ADAMTS3: variants seen among roughly 807,000 people sequenced by gnomAD.
ADAMTS3 encodes ADAM metallopeptidase with thrombospondin type 1 motif 3.
A neutral mutation model predicts 129.0 loss-of-function variants in ADAMTS3; 73 were observed. That is an observed-to-expected ratio of 0.57 (90% CI 0.47 to 0.69). The LOEUF (loss-of-function observed/expected upper bound fraction) is 0.69, where lower values mean the gene tolerates loss of function less well. ADAMTS3 is among the 30% of genes least tolerant of loss of function. ADAMTS3 has a pLI of 0.00. For synonymous variants in ADAMTS3, 477 were observed against 510.8 expected (o/e 0.93, Z 0.89); for missense variants, 1,457 against 1,514.5 (o/e 0.96, Z 0.63).
intron 3 of ADAMTS3, among the ~76,000 whole-genome samples, chr4:72,490,214 T>C (rs992344701): frequency 6.6e-6 from 1 of 151,992 alleles, no homozygotes; most frequent in Non-Finnish European, 1.5e-5. Flanking sequence ...ATTGTTTTGA[T>C]GCTATTGAGT....
Position 72,516,812 on chromosome 4 carries a change from A to T in ADAMTS3, c.504+31666T>A, listed in dbSNP as rs868155476. The stretch of plus-strand genomic sequence containing the variant: ...GACAATTTGACTTCCTCTTTTCCTA[A>T]TTGAATACCCTTTATTTCCTTCTCC... On this transcript the variant is annotated intron_variant, in intron 3 of 21. Transcript: ENST00000286657. Among the ~76,000 whole-genome samples the T allele has an allele frequency of 7.0e-4, 107 of 151,966 alleles. 1 individual carries two copies. Among genetic ancestry groups the T allele is most frequent in the Middle Eastern group, 3.4e-3 (1 of 294 alleles).
At chr4:72,544,805 A>G (rs192672316) in intron 3 of ADAMTS3, among the ~76,000 whole-genome samples, 80 of 152,308 alleles carry the variant, frequency 5.3e-4, no homozygotes, top group South Asian at 2.7e-3. Flanking sequence ...CCAACAATAG[A>G]AAGAAAAAGT....
intron 4 of ADAMTS3, among the ~76,000 whole-genome samples, chr4:72,357,695 T>G (rs1720615274): frequency 6.6e-6 from 1 of 152,126 alleles, no homozygotes; most frequent in Non-Finnish European, 1.5e-5. Context: ...GTACAGTGTC[T>G]GCTTTGTGGA....
At chr4:72,367,883 G>C (rs1720909477) in intron 4 of ADAMTS3, among the ~76,000 whole-genome samples, 1 of 150,888 alleles carries the variant, frequency 6.6e-6, no homozygotes, top group South Asian at 2.1e-4. Flanking sequence ...CTAGTTGGGA[G>C]TCTAACGTTG....
At chr4:72,479,554 T>C (rs1302392146) in intron 3 of ADAMTS3, among the ~76,000 whole-genome samples, 1 of 152,168 alleles carries the variant, frequency 6.6e-6, no homozygotes, top group Non-Finnish European at 1.5e-5. Context: ...CAAGATGGAT[T>C]AAAGACTTAA....
intron 2 of ADAMTS3, among the ~76,000 whole-genome samples, chr4:72,550,811 CA>C (rs749600703): frequency 1.8e-4 from 27 of 152,162 alleles, no homozygotes; most frequent in Non-Finnish European, 3.4e-4. Context: ...GGAAAGTTTC[CA>C]AAGTAAGGAG....
chr4:72,344,419 G>A (rs1053959234), intron 4 of ADAMTS3, among the ~76,000 whole-genome samples: 2 of 152,008 alleles, frequency 1.3e-5, no homozygotes, highest in Non-Finnish European at 2.9e-5. Flanking sequence ...AATACATTTG[G>A]GGTTGGAATG....
chr4:72,476,211 A>G (rs1237277531), intron 3 of ADAMTS3, among the ~76,000 whole-genome samples: 3 of 152,026 alleles, frequency 2.0e-5, no homozygotes, highest in Non-Finnish European at 4.4e-5. Context: ...AAGATCAATA[A>G]AACTGAAAAA....
At chr4:72,299,852 C>T (rs1255429401) in intron 17 of ADAMTS3, among the ~76,000 whole-genome samples, 1 of 152,034 alleles carries the variant, frequency 6.6e-6, no homozygotes, top group Non-Finnish European at 1.5e-5. Context: ...ATATGAATTC[C>T]TTTTTGTAAT....
intron 4 of ADAMTS3, among the ~76,000 whole-genome samples, chr4:72,385,388 T>C (rs1721419784): frequency 6.6e-6 from 1 of 151,906 alleles, no homozygotes. Context: ...CATAAAATAT[T>C]CAATTAATTC....
At chr4:72,517,662 T>C (rs1292922353) in intron 3 of ADAMTS3, among the ~76,000 whole-genome samples, 1 of 152,210 alleles carries the variant, frequency 6.6e-6, no homozygotes, top group Non-Finnish European at 1.5e-5. Context: ...AGTTTGTATT[T>C]CTGTGGGATC....
chr4:72,311,666 G>A (rs183629027), intron 13 of ADAMTS3, among the ~76,000 whole-genome samples: 2 of 152,194 alleles, frequency 1.3e-5, no homozygotes, highest in Admixed American at 1.3e-4. Context: ...TTCTTAACGT[G>A]TATTCCTCTT....
chr4:72,551,289 C>G (rs911472535), intron 2 of ADAMTS3, among the ~76,000 whole-genome samples: 3 of 152,052 alleles, frequency 2.0e-5, no homozygotes, highest in South Asian at 4.1e-4. Flanking sequence ...ACGCAGGGAG[C>G]CTTCTCCATA....
rs753932605 is a variant in ADAMTS3, at chr4:72,295,672, T to G, written c.2705A>C (p.Gln902Pro). The G allele has an allele frequency of 9.3e-6, 15 of 1,612,674 alleles. No homozygotes were observed. The East Asian group carries it at 3.3e-4, about 36-fold the overall frequency. ...TGCTTACAGTGGATGTGTACACTCT[T>G]GAATATTGCACATTCGTCTAATAGG... ...PKPIRRMCNI[Q>P]ECTHPLWVAE... Residue 902 changes from glutamine (Q) to proline (P), a missense_variant, in exon 19 of 22, where the codon CAA becomes CCA. Coordinates refer to ENST00000286657, the MANE Select transcript of ADAMTS3 (RefSeq NM_014243.3).
intron 5 of ADAMTS3, 74 bp from the exon 6 acceptor site, chr4:72,323,171 G>T: frequency 8.8e-7 from 1 of 1,136,726 alleles, no homozygotes; most frequent in Non-Finnish European, 1.3e-6. Flanking sequence ...TATAAGCTGT[G>T]TAATCACCAC....
intron 14 of ADAMTS3, 65 bp downstream of exon 14, chr4:72,310,983 G>A (rs1361398686): frequency 5.7e-6 from 8 of 1,404,494 alleles, no homozygotes; most frequent in Non-Finnish European, 7.6e-6. Flanking sequence ...AATTAAAAAT[G>A]TGCAGATGAA....
intron 5 of ADAMTS3, among the ~76,000 whole-genome samples, chr4:72,337,908 G>A (rs960342641): frequency 1.3e-5 from 2 of 151,910 alleles, no homozygotes; most frequent in African/African-American, 4.8e-5. Context: ...CTTCTTATTA[G>A]GCACATTTGC....
intron 3 of ADAMTS3, among the ~76,000 whole-genome samples, chr4:72,492,722 G>C (rs1719779138): frequency 6.6e-6 from 1 of 151,724 alleles, no homozygotes; most frequent in Admixed American, 6.6e-5. Context: ...GGACCCTTTA[G>C]CTCTCCAGTG....
intron 4 of ADAMTS3, among the ~76,000 whole-genome samples, chr4:72,374,351 C>T (rs1048455580): frequency 1.3e-5 from 2 of 151,606 alleles, no homozygotes; most frequent in Non-Finnish European, 1.5e-5. Flanking sequence ...CTTTGAATCA[C>T]CCAAGCCAAG....
Sources: allele counts gnomAD v4.1 joint callset (sites outside exome capture counted in the v4.1 genomes callset), GRCh38; gene constraint gnomAD v4.1.1; transcripts MANE v1.5; gene names NCBI Gene and HGNC (gene_info 2026-07-23, HGNC 2026-07-21).